The following UNC13C variants were observed in gnomAD, a reference collection of about 807,000 sequenced individuals.
UNC13C encodes protein unc-13 homolog C.
Under a neutral mutation model 245.4 loss-of-function variants are expected in UNC13C, and 174 were observed. That is an observed-to-expected ratio of 0.71 (90% CI 0.63 to 0.80). UNC13C has a LOEUF of 0.80. Among genes scored for constraint, UNC13C ranks in the 30% least tolerant of loss-of-function variants. The pLI is 0.00. For missense variants in UNC13C, 2,829 were observed against 2,602.9 expected (o/e 1.09, Z -1.89); for synonymous variants, 992 against 895.1 (o/e 1.11, Z -1.93).
intron 20 of UNC13C, among the ~76,000 whole-genome samples, 175 bp downstream of exon 20, chr15:54,494,909 G>T (rs1348376622): frequency 6.6e-6 from 1 of 151,904 alleles, no homozygotes; most frequent in African/African-American, 2.4e-5. Flanking sequence ...ATATTTAATT[G>T]AATTGTGTTG....
chr15:53,905,544 TC>T, the UNC13C span, among the ~76,000 whole-genome samples: 1 of 152,070 alleles, frequency 6.6e-6, no homozygotes, highest in Non-Finnish European at 1.5e-5. Context: ...CTGCATGGTC[TC>T]ATTCATATGT....
At chr15:54,514,327 T>G (rs1328243398) in intron 24 of UNC13C, among the ~76,000 whole-genome samples, 3 of 152,196 alleles carry the variant, frequency 2.0e-5, no homozygotes, top group African/African-American at 7.2e-5. Flanking sequence ...TAATTCAAAT[T>G]CCCAGTTTTT....
At chr15:54,024,938 T>TA (rs71425779) in intron 2 of UNC13C, among the ~76,000 whole-genome samples, 67,137 of 151,662 alleles carry the variant, frequency 0.44, 15,516 homozygotes, top group East Asian at 0.53. Flanking sequence ...TAAAAAATAA[T>TA]AAAAAAATGC....
chr15:54,516,595 G>T (rs1480598360), intron 24 of UNC13C, among the ~76,000 whole-genome samples: 1 of 152,080 alleles, frequency 6.6e-6, no homozygotes, highest in Admixed American at 6.6e-5. Context: ...CTGAGGTCAA[G>T]AGTTCGAGAT....
At chr15:54,592,821 T>C (rs775426192) in intron 30 of UNC13C, among the ~76,000 whole-genome samples, 9 of 152,114 alleles carry the variant, frequency 5.9e-5, no homozygotes, top group Non-Finnish European at 8.8e-5. Flanking sequence ...GAGGTACTAT[T>C]GCATTCATCA....
At chr15:54,384,318 C>A (rs2039790134) in intron 17 of UNC13C, among the ~76,000 whole-genome samples, 1 of 151,976 alleles carries the variant, frequency 6.6e-6, no homozygotes, top group Non-Finnish European at 1.5e-5. Flanking sequence ...AACACATAGA[C>A]CAATGAAACT....
intron 19 of UNC13C, among the ~76,000 whole-genome samples, chr15:54,438,745 A>G (rs1214639440): frequency 6.6e-6 from 1 of 151,920 alleles, no homozygotes; most frequent in Non-Finnish European, 1.5e-5. Context: ...CAGCACATCA[A>G]GAATTTATCC....
intron 17 of UNC13C, among the ~76,000 whole-genome samples, chr15:54,391,522 C>T (rs1596318029): frequency 6.6e-6 from 1 of 152,006 alleles, no homozygotes; most frequent in African/African-American, 2.4e-5. Flanking sequence ...ACTAATATAA[C>T]CCAGGAATTG....
chr15:54,549,153 CTT>C (rs1896622642), intron 27 of UNC13C, among the ~76,000 whole-genome samples: 5 of 152,078 alleles, frequency 3.3e-5, no homozygotes, highest in Admixed American at 1.3e-4. Flanking sequence ...TCCCCAGGGC[CTT>C]GGGGTTCTAG....
intron 17 of UNC13C, among the ~76,000 whole-genome samples, chr15:54,364,406 C>A (rs2039312053): frequency 6.6e-6 from 1 of 152,086 alleles, no homozygotes; most frequent in Non-Finnish European, 1.5e-5. Flanking sequence ...GAAAAGTTAG[C>A]CACCAACAAA....
At position 54,453,802 on chromosome 15, in the gene UNC13C, A is replaced by G. The variant is rs1891316907; in HGVS notation, c.4933+38735A>G. ...TAGGAATTACTTTTTTTGATATAGT[A>G]TATTATTTTTAATGTAGGTGAAATA... On this transcript the variant is annotated intron_variant, in intron 19 of 32. Coordinates refer to ENST00000260323, the MANE Select transcript of UNC13C (RefSeq NM_001080534.3). Among the ~76,000 whole-genome samples the G allele has an allele frequency of 3.3e-5, 5 of 152,290 alleles. No homozygotes were observed. The South Asian group carries it at 1.0e-3, about 32-fold the overall frequency.
chr15:54,223,950 C>T (rs1008682190), intron 4 of UNC13C, among the ~76,000 whole-genome samples: 2 of 152,014 alleles, frequency 1.3e-5, no homozygotes. Flanking sequence ...TTGCTGATGG[C>T]ATATAAAAAT....
At chr15:54,226,904 C>A (rs1452147610) in intron 4 of UNC13C, among the ~76,000 whole-genome samples, 2 of 152,066 alleles carry the variant, frequency 1.3e-5, no homozygotes, top group African/African-American at 2.4e-5. Flanking sequence ...TCAGGGAGTC[C>A]CCAGGTCTGG....
At chr15:53,909,213 TGA>T in the UNC13C span, among the ~76,000 whole-genome samples, 3 of 146,790 alleles carry the variant, frequency 2.0e-5, no homozygotes, top group African/African-American at 7.3e-5. Context: ...CCAACATATA[TGA>T]GTTATTTATG....
chr15:54,141,750 A>G (rs1481500599), intron 2 of UNC13C, among the ~76,000 whole-genome samples: 1 of 152,070 alleles, frequency 6.6e-6, no homozygotes, highest in Admixed American at 6.5e-5. Flanking sequence ...TAAAATAATT[A>G]TGGCCATAAA....
chr15:54,618,140 C>T (rs564720964), intron 30 of UNC13C, among the ~76,000 whole-genome samples: 1 of 152,208 alleles, frequency 6.6e-6, no homozygotes, highest in East Asian at 1.9e-4. Context: ...TGAGAGATTC[C>T]AGTAAGGTGC....
chr15:54,321,903 C>A, intron 13 of UNC13C, 36 bp from the exon 14 acceptor site: 1 of 1,534,854 alleles, frequency 6.5e-7, no homozygotes, highest in South Asian at 1.2e-5. Flanking sequence ...TAATTAATTT[C>A]TGTCTTAAAA....
intron 10 of UNC13C, among the ~76,000 whole-genome samples, chr15:54,270,282 C>T (rs2036652574): frequency 6.6e-6 from 1 of 152,168 alleles, no homozygotes; most frequent in African/African-American, 2.4e-5. Context: ...CACAGATGAA[C>T]TCATCCATAC....
chr15:54,060,268 G>C (rs368009549), intron 2 of UNC13C, among the ~76,000 whole-genome samples: 32 of 151,344 alleles, frequency 2.1e-4, no homozygotes, highest in African/African-American at 2.2e-4. Context: ...AACAAATTTA[G>C]AAGAAAAAAA....
Sources: allele counts gnomAD v4.1 joint callset (sites outside exome capture counted in the v4.1 genomes callset), GRCh38; gene constraint gnomAD v4.1.1; transcripts MANE v1.5; gene names NCBI Gene and HGNC (gene_info 2026-07-23, HGNC 2026-07-21).